Variants in FBXO41 observed in about 807,000 individuals in gnomAD.
FBXO41 encodes the protein F-box protein 41.
FBXO41 carries 33 observed loss-of-function variants against 81.6 expected under a neutral mutation model. That is an observed-to-expected ratio of 0.40 (90% CI 0.31 to 0.54). FBXO41 has a LOEUF of 0.54. Ranked by LOEUF, FBXO41 falls within the 20% of genes least tolerant of loss-of-function variation. The pLI is 0.39. For missense variants in FBXO41, 1,107 were observed against 1,236.0 expected (o/e 0.90, Z 1.56); for synonymous variants, 576 against 552.7 (o/e 1.04, Z -0.59).
chr2:73,271,684 G>A (rs1688504846), intron 1 of FBXO41, among the ~76,000 whole-genome samples: 1 of 150,326 alleles, frequency 6.7e-6, no homozygotes, highest in African/African-American at 2.5e-5. Flanking sequence ...GGGCTGGAGT[G>A]CAGTGGTGCA....
chr2:73,263,214 A>G lies in FBXO41; in HGVS notation c.2170T>C (p.Cys724Arg), dbSNP rs776302925. 2 of 1,553,856 alleles carry G rather than the reference A, an allele frequency of 1.3e-6. No homozygotes were observed. Residue 724 changes from cysteine (C) to arginine (R), a missense_variant and splice_region_variant, in exon 9 of 13, where the codon TGC becomes CGC. This residue lies in a region of FBXO41 where 336 missense variants were observed against 446.7 expected (regional missense o/e 0.75). Transcript: ENST00000520530. ...VSLQVAPLHPCQQPTRFSNRC... is the reference protein window; with the variant it reads ...VSLQVAPLHPRQQPTRFSNRC... ...TCCCCCAAACCTGCCAGGGCTCACC[A>G]GGGGTGAAGTGGTGCCACTTGGAGG...
Position 73,266,671 on chromosome 2 carries a change from T to C in FBXO41, c.917A>G (p.Gln306Arg). Residue 306 changes from glutamine to arginine, a missense_variant, in exon 3 of 13, where the codon CAG becomes CGG. By Grantham distance (43) the Gln-to-Arg change is conservative (BLOSUM62 1). Transcript: ENST00000520530. This position sits in a 1 kb window ranked among gnomAD's most constrained non-coding sequence, Gnocchi z 5.3. ...CGTCTCCTTCAGGAACTGGTCGATC[T>C]GCACCACCTCCCTGGGCCCAGAGCA... is the stretch of plus-strand genomic sequence containing the variant. ...ELSRKQQEVV[Q>R]IDQFLKETAA... The C allele has an allele frequency of 1.9e-6, 3 of 1,590,012 alleles. No homozygotes were observed. The highest frequency in any genetic ancestry group is 2.6e-6 in the Non-Finnish European group (3 of 1,168,818).
Position 73,266,856 on chromosome 2 carries a change from T to C in FBXO41, c.906-174A>G. The stretch of plus-strand genomic sequence containing the variant: ...GCACACAGCCCCGCACGATGACACA[T>C]ACAGAAATGCATGCATGCACTCCGA... On this transcript the variant is annotated intron_variant, in intron 2 of 12. Transcript: ENST00000520530. The surrounding 1 kb of genome is among the most constrained non-coding windows in gnomAD (Gnocchi z 5.3). The C allele has an allele frequency of 9.7e-7, 1 of 1,029,992 alleles. No homozygotes were observed. The highest frequency in any genetic ancestry group is 1.3e-6 in the Non-Finnish European group (1 of 771,930). The allele number at this position is 1,029,992 out of a possible 1,614,324, so 63.8% of individuals were successfully genotyped here. A position where few individuals can be genotyped will look rare whatever the true frequency, so the allele number is the denominator to read the frequency against.
chr2:73,258,945 G>T lies in FBXO41; in HGVS notation c.*37C>A. Reference sequence around the variant, plus strand: ...TGAGGTCCAAAGAGAGTGCCCTGGTGTGGGGCTGGCAGGGGCCCTGCCGCC... The same window carrying T: ...TGAGGTCCAAAGAGAGTGCCCTGGTTTGGGGCTGGCAGGGGCCCTGCCGCC... On this transcript the variant is annotated 3_prime_UTR_variant, in exon 13 of 13. Coordinates refer to ENST00000520530, the MANE Select transcript of FBXO41 (RefSeq NM_001371389.2). 3 of 1,545,980 alleles carry T rather than the reference G, an allele frequency of 1.9e-6. No homozygotes were observed. The highest frequency in any genetic ancestry group is 2.6e-6 in the Non-Finnish European group (3 of 1,144,774).
intron 8 of FBXO41, 46 bp downstream of exon 8, chr2:73,263,632 C>G: frequency 6.2e-7 from 1 of 1,607,808 alleles, no homozygotes; most frequent in Non-Finnish European, 8.5e-7. Context: ...CCGGTAGGAC[C>G]CTGGGCTTAG....
chr2:73,278,018 C>T (rs1688745212), intron 1 of FBXO41, among the ~76,000 whole-genome samples: 1 of 152,156 alleles, frequency 6.6e-6, no homozygotes, highest in Admixed American at 6.5e-5. Context: ...TCTTCTTGGC[C>T]ACAGTGATTG....
chr2:73,267,351 T>G (rs140640552), intron 2 of FBXO41, among the ~76,000 whole-genome samples: 1 of 152,016 alleles, frequency 6.6e-6, no homozygotes, highest in African/African-American at 2.4e-5. Flanking sequence ...AAATACACAC[T>G]AAGTCACATC....
At position 73,255,656 on chromosome 2, in the gene FBXO41, T is replaced by C. The variant is rs1687779554; in HGVS notation, c.*3326A>G. 1 of 152,608 alleles carries C rather than the reference T, an allele frequency of 6.6e-6. No homozygotes were observed. Among genetic ancestry groups the C allele is most frequent in the Non-Finnish European group, 1.5e-5 (1 of 68,040 alleles). The allele number at this position is 152,608 out of a possible 1,614,324, so 9.5% of individuals were successfully genotyped here. A position where few individuals can be genotyped will look rare whatever the true frequency, so the allele number is the denominator to read the frequency against. The stretch of plus-strand genomic sequence containing the variant: ...CACCAATAGTCACTCTGGGAAGGCC[T>C]CCTTCAACTTAGCGCCTTAGAGGGA... On this transcript the variant is annotated 3_prime_UTR_variant, in exon 13 of 13. Transcript: ENST00000520530.
In FBXO41 at chr2:73,263,732, C is replaced by A; in HGVS notation, c.2021G>T (p.Arg674Leu). The change falls in exon 8 of 13, where the codon CGC becomes CTC. Residue 674 changes from arginine to leucine, a missense_variant. Coordinates refer to ENST00000520530, the MANE Select transcript of FBXO41 (RefSeq NM_001371389.2). Reference protein sequence around the residue: ...ISHCPNILTDRSLWLASCYCR... With the variant: ...ISHCPNILTDLSLWLASCYCR... ...GTAGCAGCTGGCCAGCCAGAGCGAG[C>A]GGTCGGTGAGGATGTTTGGACAGTG... 6.2e-7 allele frequency: 1 copy of A among 1,613,962 alleles called. No homozygotes were observed. The highest frequency in any genetic ancestry group is 8.5e-7 in the Non-Finnish European group (1 of 1,179,896).
rs1001439570 is a variant in FBXO41, at chr2:73,255,989, A to C, written c.*2993T>G. On this transcript the variant is annotated 3_prime_UTR_variant, in exon 13 of 13. Coordinates refer to ENST00000520530, the MANE Select transcript of FBXO41 (RefSeq NM_001371389.2). The stretch of plus-strand genomic sequence containing the variant: ...TTCCTGCAGGGATGCATATAAGTGC[A>C]CCTTCATTTCCTGCCGGTGCTGTGG... 2.0e-5 allele frequency: 3 copies of C among 152,230 alleles called. No individual in the cohort carries two copies. Among genetic ancestry groups the C allele is most frequent in the African/African-American group, 7.2e-5 (3 of 41,430 alleles). 9.4% of individuals were successfully genotyped at this position (152,230 alleles called of 1,614,324 possible).
Position 73,281,525 on chromosome 2 carries a change from G to T in FBXO41, c.-139+2635C>A, listed in dbSNP as rs745958156. On this transcript the variant is annotated intron_variant, in intron 1 of 12. Coordinates refer to ENST00000520530, the MANE Select transcript of FBXO41 (RefSeq NM_001371389.2). ...ATTTGCAAGCCTGATGCAGGCAGAG[G>T]CTCCATCAGCAGTAACTTAGGACTT... Among the ~76,000 whole-genome samples, 6 of 152,338 alleles carry T rather than the reference G, an allele frequency of 3.9e-5. No homozygotes were observed. In the South Asian group the frequency reaches 1.2e-3, roughly 32 times the overall value.
chr2:73,265,090 CT>C (rs1273519548), intron 5 of FBXO41, among the ~76,000 whole-genome samples, 191 bp downstream of exon 5: 2 of 152,200 alleles, frequency 1.3e-5, no homozygotes, highest in African/African-American at 4.8e-5. Context: ...ATGTGGCATC[CT>C]TGTGCAACAG....
At chr2:73,264,571 G>A (rs1002273708) in intron 5 of FBXO41, 52 bp from the exon 6 acceptor site, 1 of 1,604,266 alleles carries the variant, frequency 6.2e-7, no homozygotes, top group African/African-American at 1.3e-5. Context: ...AGGCTGGTGT[G>A]GGGATGTGTG....
intron 1 of FBXO41, among the ~76,000 whole-genome samples, chr2:73,273,953 C>T (rs973735190): frequency 1.3e-5 from 2 of 152,224 alleles, no homozygotes; most frequent in Non-Finnish European, 2.9e-5. Context: ...TGATTTTTCT[C>T]TCTGCTAACC....
intron 1 of FBXO41, among the ~76,000 whole-genome samples, chr2:73,279,515 C>T (rs1021187119): frequency 6.6e-6 from 1 of 152,134 alleles, no homozygotes; most frequent in Non-Finnish European, 1.5e-5. Context: ...GAACCAGCAG[C>T]AGAAATGGGA....
chr2:73,255,921 G>C lies in FBXO41; in HGVS notation c.*3061C>G, dbSNP rs1261879894. The C allele has an allele frequency of 1.3e-5, 2 of 152,318 alleles. No homozygotes were observed. The highest frequency in any genetic ancestry group is 2.9e-5 in the Non-Finnish European group (2 of 68,138). The allele number at this position is 152,318 out of a possible 1,614,324, so 9.4% of individuals were successfully genotyped here. A position where few individuals can be genotyped will look rare whatever the true frequency, so the allele number is the denominator to read the frequency against. Reference sequence around the variant, plus strand: ...TCCTTAGGTGGTCTCTCCTGGCTGGGGAAAGGCTGTGGTGCTGGGCTGGGC... The same window carrying C: ...TCCTTAGGTGGTCTCTCCTGGCTGGCGAAAGGCTGTGGTGCTGGGCTGGGC... On this transcript the variant is annotated 3_prime_UTR_variant, in exon 13 of 13. Transcript: ENST00000520530.
chr2:73,259,446 C>T lies in FBXO41; in HGVS notation c.2450-150G>A, dbSNP rs116154628. 211 of 679,072 alleles carry T rather than the reference C, an allele frequency of 3.1e-4. No homozygotes were observed. The African/African-American group carries it at 3.3e-3, about 10-fold the overall frequency. 42.1% of individuals were successfully genotyped at this position (679,072 alleles called of 1,614,324 possible). A position where few individuals can be genotyped will look rare whatever the true frequency, so the allele number is the denominator to read the frequency against. ...CAGACTCATGCCACCTGGGGGCTGG[C>T]GACCGGATGCGGGGAGAGGTAGATG... On this transcript the variant is annotated intron_variant, in intron 11 of 12. Coordinates refer to ENST00000520530, the MANE Select transcript of FBXO41 (RefSeq NM_001371389.2). This position sits in a 1 kb window ranked among gnomAD's most constrained non-coding sequence, Gnocchi z 4.2.
In FBXO41 at chr2:73,258,719, G is replaced by A. The variant is rs1241915794; in HGVS notation, c.*263C>T. On this transcript the variant is annotated 3_prime_UTR_variant, in exon 13 of 13. Coordinates refer to ENST00000520530, the MANE Select transcript of FBXO41 (RefSeq NM_001371389.2). ...TGGTGGTGACAGCTCCTCACTGGCT[G>A]TGCCAGAGGCTACTCCAGCCGGGGT... 5 of 452,466 alleles carry A rather than the reference G, an allele frequency of 1.1e-5. No homozygotes were observed. The highest frequency in any genetic ancestry group is 3.9e-5 in the African/African-American group (2 of 50,786). The allele number at this position is 452,466 out of a possible 1,614,324, so 28.0% of individuals were successfully genotyped here.
chr2:73,265,998 A>C (rs762881013), intron 3 of FBXO41, 32 bp from the exon 4 acceptor site: 2 of 1,547,832 alleles, frequency 1.3e-6, no homozygotes, highest in South Asian at 2.4e-5. Context: ...GGTAAAGGAG[A>C]GGGGCGGAGG....
Sources: allele counts gnomAD v4.1 joint callset (sites outside exome capture counted in the v4.1 genomes callset), GRCh38; gene constraint gnomAD v4.1.1; regional missense constraint gnomAD v4.1.1; non-coding constraint Gnocchi (gnomAD v3.1); transcripts MANE v1.5; gene names NCBI Gene and HGNC (gene_info 2026-07-23, HGNC 2026-07-21).